ZNF280C: variants seen among roughly 807,000 people sequenced by gnomAD.
ZNF280C encodes zinc finger protein 280C.
In ZNF280C, 14 loss-of-function variants were observed where a neutral mutation model predicts 53.6. The ratio of observed to expected loss-of-function variants is 0.26; its 90% CI spans 0.17 to 0.41. The LOEUF is 0.41. Among genes scored for constraint, ZNF280C ranks in the 10% least tolerant of loss-of-function variants. The pLI is 1.00. For synonymous variants in ZNF280C, 203 were observed against 181.1 expected (o/e 1.12, Z -0.97); for missense variants, 416 against 547.1 (o/e 0.76, Z 2.39).
intron 15 of ZNF280C, among the ~76,000 whole-genome samples, chrX:130,213,717 T>C (rs768801408): frequency 1.8e-5 from 2 of 110,492 alleles, no homozygotes; most frequent in African/African-American, 6.6e-5. Context: ...TACAATGAGG[T>C]AAAATGGGAT....
chrX:130,230,829 C>T (rs745511128), intron 8 of ZNF280C, 102 bp from the exon 9 acceptor site: 50 of 499,360 alleles, frequency 1.0e-4, no homozygotes, highest in South Asian at 8.1e-4. Flanking sequence ...TATAAAACTA[C>T]GCTTGGCAAT....
chrX:130,233,322 C>T (rs1007118596), intron 8 of ZNF280C, among the ~76,000 whole-genome samples: 22 of 111,498 alleles, frequency 2.0e-4, no homozygotes, highest in Middle Eastern at 9.4e-3. Flanking sequence ...GTATTACATA[C>T]TTAAAAAAAT....
At chrX:130,205,066 C>A in intron 18 of ZNF280C, 51 bp downstream of exon 18, 1 of 1,085,632 alleles carries the variant, frequency 9.2e-7, no homozygotes, top group South Asian at 2.6e-5. Context: ...AAAAATACAA[C>A]AGTGCTAAAG....
At chrX:130,217,206 A>G (rs1256172747) in intron 13 of ZNF280C, among the ~76,000 whole-genome samples, 1 of 111,965 alleles carries the variant, frequency 8.9e-6, no homozygotes, top group African/African-American at 3.2e-5. Flanking sequence ...CCATATGCCC[A>G]CCAATAGATG....
At chrX:130,240,340 G>T (rs1230801212) in intron 5 of ZNF280C, among the ~76,000 whole-genome samples, 1 of 110,755 alleles carries the variant, frequency 9.0e-6, no homozygotes, top group Non-Finnish European at 1.9e-5. Context: ...TACAGAAAAC[G>T]AAAATCAAAA....
At chrX:130,230,777 A>C (rs375934058) in intron 8 of ZNF280C, 50 bp from the exon 9 acceptor site, 14 of 830,447 alleles carry the variant, frequency 1.7e-5, no homozygotes, top group Non-Finnish European at 2.4e-5. Context: ...TTTAAAGATT[A>C]GATACCAAAA....
intron 2 of ZNF280C, among the ~76,000 whole-genome samples, chrX:130,250,279 A>C (rs1210249034): frequency 8.9e-6 from 1 of 111,917 alleles, no homozygotes; most frequent in African/African-American, 3.2e-5. Flanking sequence ...AAGACAAGAA[A>C]TGTCCAAAAT....
intron 18 of ZNF280C, 40 bp from the exon 19 acceptor site, chrX:130,205,032 TATATTA>T (rs771192032): frequency 1.4e-5 from 14 of 1,006,330 alleles, no homozygotes; most frequent in African/African-American, 8.2e-5. Flanking sequence ...ATTTTTCATT[TATATTA>T]ATATTAATGA....
At chrX:130,247,630 T>C (rs1440917418) in intron 2 of ZNF280C, among the ~76,000 whole-genome samples, 2 of 111,885 alleles carry the variant, frequency 1.8e-5, no homozygotes, top group African/African-American at 6.5e-5. Flanking sequence ...GCCAATACAT[T>C]TTAGGATCAA....
intron 12 of ZNF280C, among the ~76,000 whole-genome samples, chrX:130,224,730 T>C (rs1001054547): frequency 3.6e-5 from 4 of 111,369 alleles, no homozygotes; most frequent in African/African-American, 6.5e-5. Context: ...TGTTGCTTGA[T>C]GGGAAAGCTC....
chrX:130,215,395 CTTA>C (rs2032089982), intron 14 of ZNF280C, 62 bp from the exon 15 acceptor site: 2 of 1,025,562 alleles, frequency 2.0e-6, no homozygotes, highest in African/African-American at 3.9e-5. Flanking sequence ...AGGGGAAAAT[CTTA>C]TTAACATTTT....
At chrX:130,249,921 C>T (rs1344948964) in intron 2 of ZNF280C, among the ~76,000 whole-genome samples, 2 of 111,800 alleles carry the variant, frequency 1.8e-5, no homozygotes. Context: ...CATAGTAAAA[C>T]AATACAGGAG....
At chrX:130,243,722 A>T (rs1603244089) in intron 4 of ZNF280C, 23 bp from the exon 5 acceptor site, 2 of 1,178,693 alleles carry the variant, frequency 1.7e-6, no homozygotes, top group Non-Finnish European at 2.3e-6. Context: ...ATTATACAAC[A>T]TATTGAATAT....
At chrX:130,217,916 A>AC (rs1252393646) in intron 13 of ZNF280C, among the ~76,000 whole-genome samples, 2 of 112,127 alleles carry the variant, frequency 1.8e-5, no homozygotes, top group African/African-American at 6.5e-5. Flanking sequence ...CATGCCTGTA[A>AC]CCCCAGCACT....
intron 15 of ZNF280C, among the ~76,000 whole-genome samples, chrX:130,210,451 T>G (rs1286407495): frequency 8.9e-6 from 1 of 112,310 alleles, no homozygotes; most frequent in African/African-American, 3.2e-5. Context: ...TAATTATTAT[T>G]TTTTGTTTCA....
chrX:130,268,688 G>T (rs2032717208), intron 1 of ZNF280C, 74 bp downstream of exon 1: 1 of 112,861 alleles, frequency 8.9e-6, no homozygotes, highest in Non-Finnish European at 1.9e-5. Context: ...GCCCTCTGGG[G>T]AAGGCTGCCT....
At chrX:130,256,882 C>T (rs752441225) in intron 2 of ZNF280C, among the ~76,000 whole-genome samples, 5 of 107,160 alleles carry the variant, frequency 4.7e-5, no homozygotes, top group Non-Finnish European at 5.8e-5. Context: ...TGGTTAACAG[C>T]GTGAGACTGT....
chrX:130,210,496 A>G (rs1603239275), intron 15 of ZNF280C, among the ~76,000 whole-genome samples: 1 of 112,473 alleles, frequency 8.9e-6, no homozygotes, highest in Admixed American at 9.4e-5. Context: ...CTGGAAAATA[A>G]TAATTACTTA....
At chrX:130,211,094 CTA>C (rs1386657585) in intron 15 of ZNF280C, among the ~76,000 whole-genome samples, 1 of 112,155 alleles carries the variant, frequency 8.9e-6, no homozygotes, top group Non-Finnish European at 1.9e-5. Context: ...CACCAGCTTA[CTA>C]TATATGCATG....
Sources: allele counts gnomAD v4.1 joint callset (sites outside exome capture counted in the v4.1 genomes callset), GRCh38; gene constraint gnomAD v4.1.1; transcripts MANE v1.5; gene names NCBI Gene and HGNC (gene_info 2026-07-23, HGNC 2026-07-21).